Variants in SPTLC2 observed in about 807,000 individuals in gnomAD.
SPTLC2 encodes the protein serine palmitoyltransferase long chain base subunit 2.
Under a neutral mutation model 62.0 loss-of-function variants are expected in SPTLC2, and 21 were observed. The ratio of observed to expected loss-of-function variants is 0.34; its 90% confidence interval spans 0.24 to 0.49. The LOEUF (loss-of-function observed/expected upper bound fraction) is 0.49. Among genes scored for constraint, SPTLC2 ranks in the 20% least tolerant of loss-of-function variants. The pLI is 0.99. For missense variants in SPTLC2, 511 were observed against 713.0 expected (o/e 0.72, Z 3.23); for synonymous variants, 261 against 261.8 (o/e 1.00, Z 0.03).
At chr14:77,519,367 T>C (rs964999341) in intron 10 of SPTLC2, among the ~76,000 whole-genome samples, 6 of 152,290 alleles carry the variant, frequency 3.9e-5, no homozygotes, top group Admixed American at 3.3e-4. Context: ...TTTCCTCTTA[T>C]TGACCTCCCT....
chr14:77,530,438 C>T (rs780373780), intron 9 of SPTLC2, among the ~76,000 whole-genome samples: 22 of 152,144 alleles, frequency 1.4e-4, no homozygotes, highest in Non-Finnish European at 2.5e-4. Flanking sequence ...AAGCGATTCT[C>T]GTGCCTCAGC....
chr14:77,526,223 T>C (rs1479861861), intron 9 of SPTLC2, among the ~76,000 whole-genome samples: 2 of 152,226 alleles, frequency 1.3e-5, no homozygotes, highest in East Asian at 1.9e-4. Context: ...TTAATATTTA[T>C]GCAAGAAGAC....
chr14:77,578,901 A>T, intron 3 of SPTLC2, 54 bp downstream of exon 3: 1 of 1,594,576 alleles, frequency 6.3e-7, no homozygotes, highest in Non-Finnish European at 8.6e-7. Flanking sequence ...TATTTTCTCA[A>T]ATGAAGAAAC....
intron 9 of SPTLC2, among the ~76,000 whole-genome samples, chr14:77,545,175 A>G (rs77348707): frequency 0.016 from 2,454 of 152,284 alleles, 33 homozygotes; most frequent in Non-Finnish European, 0.025. Context: ...AAATATTTAG[A>G]TAATTAGAAA....
At chr14:77,615,289 AC>A (rs1359953258) in intron 1 of SPTLC2, among the ~76,000 whole-genome samples, 6 of 152,058 alleles carry the variant, frequency 3.9e-5, no homozygotes. Context: ...TTTCCCCTCA[AC>A]TCAGTCTCAA....
intron 2 of SPTLC2, among the ~76,000 whole-genome samples, chr14:77,588,434 T>C (rs1258659644): frequency 6.6e-6 from 1 of 151,752 alleles, no homozygotes; most frequent in African/African-American, 2.4e-5. Flanking sequence ...TGGATGCCTA[T>C]AATCCCAGGA....
intron 6 of SPTLC2, among the ~76,000 whole-genome samples, chr14:77,559,425 A>G (rs2079602976): frequency 6.6e-6 from 1 of 152,208 alleles, no homozygotes; most frequent in African/African-American, 2.4e-5. Context: ...ATAAATTTAA[A>G]TAAAAAATAT....
intron 1 of SPTLC2, among the ~76,000 whole-genome samples, chr14:77,613,111 CATTT>C (rs2079946863): frequency 1.3e-5 from 2 of 152,100 alleles, no homozygotes; most frequent in East Asian, 1.9e-4. Flanking sequence ...CAAAACATGG[CATTT>C]ATTTCATCAA....
intron 2 of SPTLC2, among the ~76,000 whole-genome samples, chr14:77,591,692 C>CTGTATGTATGTATGTA (rs147430744): frequency 3.7e-4 from 48 of 130,486 alleles, no homozygotes; most frequent in South Asian, 1.2e-3. Flanking sequence ...TAGTGCTCTT[C>CTGTATGTATGTATGTA]TGTATGTATG....
chr14:77,610,880 CCT>C (rs1014695381), intron 1 of SPTLC2, among the ~76,000 whole-genome samples: 6 of 149,492 alleles, frequency 4.0e-5, no homozygotes, highest in African/African-American at 1.2e-4. Context: ...ACTCTGTCTC[CCT>C]CTCTCTCTGT....
At chr14:77,582,121 C>T (rs2299917) in intron 2 of SPTLC2, among the ~76,000 whole-genome samples, 28,432 of 150,836 alleles carry the variant, frequency 0.19, 3,142 homozygotes, top group East Asian at 0.56. Context: ...GGTGTGATCT[C>T]GGCTCACTGC....
intron 3 of SPTLC2, among the ~76,000 whole-genome samples, chr14:77,577,666 G>A (rs1208184798): frequency 1.3e-5 from 2 of 152,246 alleles, no homozygotes; most frequent in South Asian, 2.1e-4. Flanking sequence ...TTGGGAGGCC[G>A]CGGTGGGTGG....
chr14:77,565,896 C>G (rs1216702843), intron 5 of SPTLC2, among the ~76,000 whole-genome samples: 1 of 152,174 alleles, frequency 6.6e-6, no homozygotes, highest in Non-Finnish European at 1.5e-5. Flanking sequence ...ACTCTCTGTA[C>G]TCTTTTGTAA....
chr14:77,530,789 G>A (rs2079434319), intron 9 of SPTLC2, among the ~76,000 whole-genome samples: 1 of 151,914 alleles, frequency 6.6e-6, no homozygotes, highest in Non-Finnish European at 1.5e-5. Flanking sequence ...TTCAAAGACT[G>A]GACTTTGAAT....
intron 5 of SPTLC2, among the ~76,000 whole-genome samples, chr14:77,564,400 TACACACACACACACAC>T (rs6145397): frequency 0.021 from 2,953 of 139,382 alleles, 43 homozygotes; most frequent in Middle Eastern, 0.067. Flanking sequence ...TATGCATGCA[TACACACACACACACAC>T]ACACACACAC....
intron 3 of SPTLC2, among the ~76,000 whole-genome samples, chr14:77,577,402 C>T (rs1017786233): frequency 6.6e-6 from 1 of 152,036 alleles, no homozygotes; most frequent in South Asian, 2.1e-4. Flanking sequence ...AAGGGCCCCA[C>T]CAACCTAGGA....
intron 1 of SPTLC2, among the ~76,000 whole-genome samples, chr14:77,614,326 C>T (rs995879898): frequency 2.6e-5 from 4 of 152,164 alleles, no homozygotes; most frequent in Admixed American, 6.5e-5. Flanking sequence ...CACAAAGCAA[C>T]GCTGAAGTGT....
intron 2 of SPTLC2, among the ~76,000 whole-genome samples, chr14:77,587,042 A>G (rs541369166): frequency 6.6e-6 from 1 of 152,194 alleles, no homozygotes; most frequent in African/African-American, 2.4e-5. Context: ...TGGCTAACAC[A>G]GTGAAACCCG....
chr14:77,525,272 G>A (rs933883018), intron 9 of SPTLC2, among the ~76,000 whole-genome samples: 3 of 151,912 alleles, frequency 2.0e-5, no homozygotes, highest in African/African-American at 7.3e-5. Context: ...CTCCAGCCTG[G>A]GTAACATAGT....
Sources: gnomAD v4.1 joint callset for allele counts (sites outside exome capture counted in the v4.1 genomes callset) on GRCh38, gnomAD v4.1.1 for gene constraint, MANE v1.5 for transcripts, NCBI Gene and HGNC (gene_info 2026-07-23, HGNC 2026-07-21) for gene names.